ANXA7: variants seen among roughly 807,000 people sequenced by gnomAD.
The protein encoded by ANXA7 is annexin A7, also known as annexin VII.
A neutral mutation model predicts 64.9 loss-of-function variants in ANXA7; 55 were observed. The ratio of observed to expected loss-of-function variants is 0.85; its 90% CI spans 0.68 to 1.06. The LOEUF is 1.06. Among genes scored for constraint, ANXA7 ranks in the 50% least tolerant of loss-of-function variants. ANXA7 has a pLI of 0.00. For synonymous variants in ANXA7, 200 were observed against 192.4 expected, an observed-to-expected ratio of 1.04 and a Z score of -0.33; for missense variants, 548 against 582.1, an observed-to-expected ratio of 0.94 and a Z score of 0.60.
At chr10:73,405,930 G>A (rs2055749614) in intron 1 of ANXA7, among the ~76,000 whole-genome samples, 1 of 151,694 alleles carries the variant, frequency 6.6e-6, no homozygotes, top group Non-Finnish European at 1.5e-5. Flanking sequence ...TAATACTCCA[G>A]TATAGTAAGA....
chr10:73,399,817 T>G (rs1315974679), intron 2 of ANXA7, among the ~76,000 whole-genome samples: 2 of 147,150 alleles, frequency 1.4e-5, no homozygotes, highest in African/African-American at 5.1e-5. Flanking sequence ...CGAGACTCCA[T>G]CTCAAAAACA....
At chr10:73,389,422 G>A (rs1426819701) in intron 5 of ANXA7, among the ~76,000 whole-genome samples, 1 of 152,158 alleles carries the variant, frequency 6.6e-6, no homozygotes, top group Non-Finnish European at 1.5e-5. Context: ...AATAAGGTCT[G>A]TAGGTTGGGT....
At chr10:73,400,924 T>G in intron 1 of ANXA7, 67 bp from the exon 2 acceptor site, 1 of 1,411,952 alleles carries the variant, frequency 7.1e-7, no homozygotes, top group Non-Finnish European at 9.7e-7. Flanking sequence ...GTTTTGTTTT[T>G]TGAGACGGAG....
At position 73,375,872 on chromosome 10, in the gene ANXA7, T is replaced by C. The variant is rs2055160926; in HGVS notation, c.*223A>G. 6.1e-6 allele frequency: 2 copies of C among 328,180 alleles called. No individual in the cohort carries two copies. The highest frequency in any genetic ancestry group is 2.3e-4 in the South Asian group (2 of 8,772). 20.3% of individuals were successfully genotyped at this position (328,180 alleles called of 1,614,324 possible). ...GTTTACAAACATTGCAATATTACTG[T>C]ATCATTGTGATATGGCTTTACATTG... On this transcript the variant is annotated 3_prime_UTR_variant, in exon 13 of 13. Transcript: ENST00000372921.
chr10:73,399,240 G>A (rs144986854), intron 2 of ANXA7, among the ~76,000 whole-genome samples: 3 of 152,266 alleles, frequency 2.0e-5, no homozygotes, highest in African/African-American at 2.4e-5. Context: ...CTCCACTGAC[G>A]TCCAGGAAAC....
rs1394701792 is a variant in ANXA7, at chr10:73,376,058, T to C, written c.*37A>G. 3 of 1,496,684 alleles carry C rather than the reference T, an allele frequency of 2.0e-6. No individual in the cohort carries two copies. The highest frequency in any genetic ancestry group is 2.9e-5 in the African/African-American group (2 of 69,838). 92.7% of individuals were successfully genotyped at this position (1,496,684 alleles called of 1,614,324 possible). A position where few individuals can be genotyped will look rare whatever the true frequency, so the allele number is the denominator to read the frequency against. ...ATTGCTCTGAAGGATAAGCTATGAA[T>C]AGAAATTTTTTTTCATTAAAAAAAA... On this transcript the variant is annotated 3_prime_UTR_variant, in exon 13 of 13. Coordinates refer to ENST00000372921, the MANE Select transcript of ANXA7 (RefSeq NM_001156.5).
intron 1 of ANXA7, among the ~76,000 whole-genome samples, chr10:73,402,120 A>G (rs1174480924): frequency 6.6e-6 from 1 of 152,182 alleles, no homozygotes; most frequent in African/African-American, 2.4e-5. Context: ...ATGGGAAACA[A>G]TGGTACAATG....
chr10:73,395,217 T>A (rs2055550973), intron 5 of ANXA7, among the ~76,000 whole-genome samples: 1 of 152,126 alleles, frequency 6.6e-6, no homozygotes, highest in Admixed American at 6.6e-5. Context: ...CCTAGACAAG[T>A]TTCTCAACCT....
intron 5 of ANXA7, chr10:73,396,116 A>G: frequency 6.4e-7 from 1 of 1,555,568 alleles, no homozygotes. Context: ...TGATCTGAAA[A>G]AAGAGTGAAA....
At chr10:73,388,283 TA>T (rs113469112) in intron 6 of ANXA7, 28 bp downstream of exon 6, 27 of 1,552,966 alleles carry the variant, frequency 1.7e-5, no homozygotes, top group Middle Eastern at 1.7e-4. Context: ...TTTAACTTAT[TA>T]AAAAAGACAA....
chr10:73,382,236 G>A (rs1320457510), intron 9 of ANXA7, among the ~76,000 whole-genome samples: 6 of 152,156 alleles, frequency 3.9e-5, no homozygotes, highest in Admixed American at 3.3e-4. Context: ...CCAATCTTGT[G>A]CACTAGCACA....
chr10:73,392,669 C>T (rs2055504855), intron 5 of ANXA7, among the ~76,000 whole-genome samples: 1 of 152,074 alleles, frequency 6.6e-6, no homozygotes, highest in Non-Finnish European at 1.5e-5. Flanking sequence ...TGCTGAAAAC[C>T]CTCAATAAAT....
intron 1 of ANXA7, among the ~76,000 whole-genome samples, chr10:73,413,630 A>G (rs888926358): frequency 5.9e-5 from 9 of 152,244 alleles, no homozygotes; most frequent in Non-Finnish European, 1.3e-4. Flanking sequence ...GTGTCACCGG[A>G]AAGTACAGCC....
At position 73,378,377 on chromosome 10, in the gene ANXA7, CAAAAA is replaced by C. The variant is rs755093944; in HGVS notation, c.1278+529_1278+533del. On this transcript the variant is annotated intron_variant, in intron 12 of 12. Coordinates refer to ENST00000372921, the MANE Select transcript of ANXA7 (RefSeq NM_001156.5). ...TGGGTGACAGAGTGAGACCATGTCT[CAAAAA>C]AAAAAAAAAAAAAAAAAAATTCAAA... Among the ~76,000 whole-genome samples, 61 of 63,152 alleles carry C rather than the reference CAAAAA, an allele frequency of 9.7e-4. No homozygotes were observed. In the East Asian group the frequency reaches 0.016, roughly 17 times the overall value. The allele number at this position is 63,152 out of a possible 152,430, so 41.4% of individuals were successfully genotyped here.
intron 9 of ANXA7, 110 bp downstream of exon 9, chr10:73,383,065 G>T: frequency 2.2e-6 from 2 of 929,962 alleles, no homozygotes; most frequent in Non-Finnish European, 3.2e-6. Context: ...CTTAAAGATG[G>T]CAATATTGCA....
intron 5 of ANXA7, among the ~76,000 whole-genome samples, chr10:73,395,047 C>G (rs2055548199): frequency 6.6e-6 from 1 of 151,920 alleles, no homozygotes; most frequent in South Asian, 2.1e-4. Flanking sequence ...ACAACTTCAA[C>G]AATGAAAAAA....
intron 7 of ANXA7, among the ~76,000 whole-genome samples, chr10:73,386,304 G>A (rs181337830): frequency 6.6e-6 from 1 of 151,136 alleles, no homozygotes; most frequent in East Asian, 1.9e-4. Context: ...ATAGAATCTT[G>A]TTGGATTTAG....
At chr10:73,405,588 C>G (rs895437423) in intron 1 of ANXA7, among the ~76,000 whole-genome samples, 2 of 152,114 alleles carry the variant, frequency 1.3e-5, no homozygotes, top group African/African-American at 4.8e-5. Flanking sequence ...ATATAATATA[C>G]CTGGCAAATA....
At chr10:73,383,121 G>A in intron 9 of ANXA7, 54 bp downstream of exon 9, 1 of 1,485,800 alleles carries the variant, frequency 6.7e-7, no homozygotes, top group South Asian at 1.4e-5. Flanking sequence ...ACTGGCAAAA[G>A]GCTTTTAAAG....
Sources: gnomAD v4.1 joint callset for allele counts (sites outside exome capture counted in the v4.1 genomes callset) on GRCh38, gnomAD v4.1.1 for gene constraint, MANE v1.5 for transcripts, NCBI Gene and HGNC (gene_info 2026-07-23, HGNC 2026-07-21) for gene names.